The following YWHAE variants were observed in gnomAD, a reference collection of about 807,000 sequenced individuals.
YWHAE encodes the protein tyrosine 3-monooxygenase/tryptophan 5-monooxygenase activation protein epsilon, also known as 14-3-3 protein epsilon.
Under a neutral mutation model 30.1 loss-of-function variants are expected in YWHAE, and 4 were observed. That is an observed-to-expected ratio of 0.13 (90% confidence interval 0.07 to 0.30). YWHAE has a LOEUF of 0.30. Ranked by LOEUF, YWHAE falls within the 10% of genes least tolerant of loss-of-function variation. YWHAE has a pLI of 1.00. For synonymous variants in YWHAE, 118 were observed against 111.8 expected, an observed-to-expected ratio of 1.06 and a Z score of -0.35; for missense variants, 121 against 315.9, an observed-to-expected ratio of 0.38 and a Z score of 4.68.
chr17:1,386,998 T>G (rs1434858377), intron 1 of YWHAE, among the ~76,000 whole-genome samples: 1 of 151,454 alleles, frequency 6.6e-6, no homozygotes, highest in Non-Finnish European at 1.5e-5. Context: ...TTGTGTAACC[T>G]TCTATGAAAC....
At chr17:1,399,884 C>T (rs1480910688) in intron 1 of YWHAE, 163 bp downstream of exon 1, 3 of 807,244 alleles carry the variant, frequency 3.7e-6, no homozygotes, top group African/African-American at 1.7e-5. Flanking sequence ...GGCATAGAGC[C>T]TCCCATCGCC....
In YWHAE at chr17:1,389,050, C is replaced by T. The variant is rs562226555; in HGVS notation, c.64+10997G>A. Reference sequence around the variant, plus strand: ...GTCTTATCATGGCTCACTGCAGCCTCGACCTCCCGGGCTCAAGAAATCTTA... The same window carrying T: ...GTCTTATCATGGCTCACTGCAGCCTTGACCTCCCGGGCTCAAGAAATCTTA... On this transcript the variant is annotated intron_variant, in intron 1 of 5. Coordinates refer to ENST00000264335, the MANE Select transcript of YWHAE (RefSeq NM_006761.5). Among the ~76,000 whole-genome samples the T allele has an allele frequency of 3.9e-5, 6 of 152,144 alleles. No homozygotes were observed. In the South Asian group the frequency reaches 1.0e-3, roughly 26 times the overall value.
chr17:1,347,249 C>T (rs968967687), intron 5 of YWHAE, among the ~76,000 whole-genome samples: 16 of 150,910 alleles, frequency 1.1e-4, no homozygotes, highest in African/African-American at 3.9e-4. Context: ...AGGAGAATGG[C>T]GTGAACCCAG....
intron 1 of YWHAE, among the ~76,000 whole-genome samples, chr17:1,366,147 T>A (rs1321802453): frequency 6.8e-6 from 1 of 148,142 alleles, no homozygotes; most frequent in Non-Finnish European, 1.5e-5. Flanking sequence ...ACCCAGAAGG[T>A]GGAGATTGCA....
chr17:1,387,418 TC>T (rs1320792161), intron 1 of YWHAE, among the ~76,000 whole-genome samples: 1 of 152,204 alleles, frequency 6.6e-6, no homozygotes, highest in Non-Finnish European at 1.5e-5. Flanking sequence ...AAAGTCTGAA[TC>T]TTTTTACAGT....
At chr17:1,364,664 T>C (rs1465504058) in intron 2 of YWHAE, 195 bp downstream of exon 2, 7 of 656,000 alleles carry the variant, frequency 1.1e-5, no homozygotes, top group East Asian at 5.5e-5. Flanking sequence ...ATACAGACTA[T>C]GTTTTGTCCT....
At chr17:1,382,749 G>C (rs1305174577) in intron 1 of YWHAE, among the ~76,000 whole-genome samples, 1 of 152,146 alleles carries the variant, frequency 6.6e-6, no homozygotes, top group Admixed American at 6.6e-5. Flanking sequence ...AACAGGCCAG[G>C]TGCGGTGGCT....
intron 1 of YWHAE, among the ~76,000 whole-genome samples, chr17:1,372,418 T>C (rs1296142449): frequency 6.6e-6 from 1 of 152,242 alleles, no homozygotes; most frequent in Non-Finnish European, 1.5e-5. Context: ...TTAATCTCCT[T>C]GAAGAACTTT....
intron 5 of YWHAE, among the ~76,000 whole-genome samples, chr17:1,350,276 C>G (rs1006835272): frequency 4.6e-5 from 7 of 151,930 alleles, no homozygotes; most frequent in Non-Finnish European, 1.0e-4. Context: ...TAAGATGATC[C>G]ATTTCCTAAA....
chr17:1,370,924 C>T lies in YWHAE; in HGVS notation c.65-5866G>A, dbSNP rs570384512. Among the ~76,000 whole-genome samples, 6 of 151,866 alleles carry T rather than the reference C, an allele frequency of 4.0e-5. No homozygotes were observed. The East Asian group carries it at 5.9e-4, about 15-fold the overall frequency. ...CTGAGGCAGGAGAATGGTGTGAACC[C>T]GGGAGGCGGAGCTGCAGTGAGCTGA... is the stretch of plus-strand genomic sequence containing the variant. On this transcript the variant is annotated intron_variant, in intron 1 of 5. Transcript: ENST00000264335.
intron 1 of YWHAE, among the ~76,000 whole-genome samples, chr17:1,388,112 TGG>T (rs760358389): frequency 0.014 from 897 of 63,994 alleles, 58 homozygotes; most frequent in African/African-American, 0.034. Flanking sequence ...TTTTTTTTTT[TGG>T]TTGGTTTTTT....
At chr17:1,378,792 C>T (rs1466674773) in intron 1 of YWHAE, among the ~76,000 whole-genome samples, 2 of 151,894 alleles carry the variant, frequency 1.3e-5, no homozygotes, top group African/African-American at 4.8e-5. Flanking sequence ...CTAAAAATAC[C>T]AAAAATTAGT....
intron 1 of YWHAE, among the ~76,000 whole-genome samples, chr17:1,393,442 T>A (rs1475572120): frequency 6.6e-6 from 1 of 152,198 alleles, no homozygotes; most frequent in Non-Finnish European, 1.5e-5. Flanking sequence ...GGGGCTTTTC[T>A]TTTCTTGAGA....
intron 1 of YWHAE, chr17:1,399,818 G>A (rs2073538975): frequency 9.1e-6 from 3 of 329,822 alleles, no homozygotes; most frequent in Non-Finnish European, 1.7e-5. Context: ...CGTCGCCCCG[G>A]CCTCCCGGCC....
At chr17:1,395,515 C>A (rs528320134) in intron 1 of YWHAE, among the ~76,000 whole-genome samples, 1 of 151,952 alleles carries the variant, frequency 6.6e-6, no homozygotes, top group African/African-American at 2.4e-5. Context: ...GGGGACAGAG[C>A]CCAGTCGTAG....
At chr17:1,373,850 A>G (rs1301957615) in intron 1 of YWHAE, among the ~76,000 whole-genome samples, 3 of 152,124 alleles carry the variant, frequency 2.0e-5, no homozygotes, top group African/African-American at 7.2e-5. Context: ...GGGTGTACCT[A>G]CGAACAGAGC....
chr17:1,386,640 C>T (rs2150872753), intron 1 of YWHAE, among the ~76,000 whole-genome samples: 1 of 152,286 alleles, frequency 6.6e-6, no homozygotes, highest in South Asian at 2.1e-4. Flanking sequence ...ACAGAGGTAC[C>T]TCTCCTCACT....
intron 3 of YWHAE, chr17:1,361,664 T>C (rs2072866980): frequency 4.3e-6 from 2 of 464,982 alleles, no homozygotes; most frequent in South Asian, 8.7e-5. Flanking sequence ...CACTGTGAAA[T>C]GTATGCCGTT....
chr17:1,361,525 T>A, intron 3 of YWHAE: 1 of 462,772 alleles, frequency 2.2e-6, no homozygotes, highest in Non-Finnish European at 3.8e-6. Flanking sequence ...CCCAGGAAAT[T>A]AACTGAGGAG....
Sources: allele counts gnomAD v4.1 joint callset (sites outside exome capture counted in the v4.1 genomes callset), GRCh38; gene constraint gnomAD v4.1.1; transcripts MANE v1.5; gene names NCBI Gene and HGNC (gene_info 2026-07-23, HGNC 2026-07-21).